CAMKMT: variants seen among roughly 807,000 people sequenced by gnomAD.
CAMKMT encodes the protein calmodulin-lysine N-methyltransferase, also known as CaM KMT.
CAMKMT carries 53 observed loss-of-function variants against 48.0 expected under a neutral mutation model. That is an observed-to-expected ratio of 1.10 (90% CI 0.89 to 1.39). CAMKMT has a LOEUF of 1.39. Ranked by LOEUF, CAMKMT falls within the 40% of genes most tolerant of loss-of-function variation. The probability of loss-of-function intolerance (pLI) is 0.00; values close to 1 mark genes in which losing one functional copy is unlikely to be tolerated. For missense variants in CAMKMT, 428 were observed against 402.7 expected (o/e 1.06, Z -0.54); for synonymous variants, 165 against 152.3 (o/e 1.08, Z -0.61).
intron 3 of CAMKMT, among the ~76,000 whole-genome samples, chr2:44,487,915 C>T (rs1291147297): frequency 6.6e-6 from 1 of 152,218 alleles, no homozygotes; most frequent in Non-Finnish European, 1.5e-5. Flanking sequence ...GGCCTACAGG[C>T]CAGATTTCAA....
chr2:44,585,357 C>T (rs1423636451), intron 3 of CAMKMT, among the ~76,000 whole-genome samples: 1 of 152,154 alleles, frequency 6.6e-6, no homozygotes, highest in Non-Finnish European at 1.5e-5. Flanking sequence ...AGCTGAACTT[C>T]AGAAAGGATT....
intron 3 of CAMKMT, among the ~76,000 whole-genome samples, chr2:44,515,516 A>T (rs1670791801): frequency 1.3e-5 from 2 of 152,198 alleles, no homozygotes; most frequent in South Asian, 4.1e-4. Context: ...CAGAGATCTT[A>T]CTTCTAGGGA....
chr2:44,619,231 T>A (rs1480018148), intron 3 of CAMKMT, among the ~76,000 whole-genome samples: 3 of 152,212 alleles, frequency 2.0e-5, no homozygotes, highest in Non-Finnish European at 2.9e-5. Context: ...TACTCAAGTC[T>A]GCATTTGAAC....
At chr2:44,587,760 G>A (rs1285816151) in intron 3 of CAMKMT, among the ~76,000 whole-genome samples, 1 of 136,220 alleles carries the variant, frequency 7.3e-6, no homozygotes, top group East Asian at 2.0e-4. Flanking sequence ...GATTGCAGAC[G>A]GAGTCTCGTT....
At chr2:44,445,645 GT>G (rs869258613) in intron 3 of CAMKMT, among the ~76,000 whole-genome samples, 9 of 101,416 alleles carry the variant, frequency 8.9e-5, no homozygotes, top group East Asian at 8.5e-4. Context: ...CAAAAGGGTA[GT>G]TTTTTTTTTT....
At chr2:44,768,887 A>G (rs1573262035) in intron 10 of CAMKMT, among the ~76,000 whole-genome samples, 1 of 152,094 alleles carries the variant, frequency 6.6e-6, no homozygotes, top group Non-Finnish European at 1.5e-5. Flanking sequence ...TCTTAGCCCT[A>G]CTGTGTTGGA....
intron 3 of CAMKMT, among the ~76,000 whole-genome samples, chr2:44,643,648 G>C (rs1300074482): frequency 6.6e-6 from 1 of 152,026 alleles, no homozygotes; most frequent in East Asian, 1.9e-4. Flanking sequence ...AGGAATTTGG[G>C]TGTTTGAAAA....
At chr2:44,555,831 A>G (rs1299110645) in intron 3 of CAMKMT, among the ~76,000 whole-genome samples, 2 of 152,174 alleles carry the variant, frequency 1.3e-5, no homozygotes, top group East Asian at 1.9e-4. Context: ...AACCATGTCA[A>G]ATCCTGCAGA....
chr2:44,735,376 C>A (rs1302904255), intron 7 of CAMKMT, among the ~76,000 whole-genome samples: 1 of 152,166 alleles, frequency 6.6e-6, no homozygotes, highest in Non-Finnish European at 1.5e-5. Flanking sequence ...AGATTTAAAT[C>A]TGTCATTTTA....
intron 3 of CAMKMT, among the ~76,000 whole-genome samples, chr2:44,695,488 G>A (rs1020795583): frequency 1.3e-5 from 2 of 152,142 alleles, no homozygotes; most frequent in African/African-American, 4.8e-5. Flanking sequence ...ATGCTAAAAT[G>A]TACTCTGGAA....
At chr2:44,378,460 A>G (rs944607258) in intron 2 of CAMKMT, among the ~76,000 whole-genome samples, 3 of 139,470 alleles carry the variant, frequency 2.2e-5, no homozygotes, top group Admixed American at 7.4e-5. Flanking sequence ...ACTCCAAAGC[A>G]TCTAGAATTA....
intron 3 of CAMKMT, among the ~76,000 whole-genome samples, chr2:44,426,215 C>T (rs144952534): frequency 3.1e-4 from 47 of 152,150 alleles, no homozygotes; most frequent in South Asian, 1.0e-3. Flanking sequence ...TTGGAAAAGG[C>T]GGGTAAATCA....
At chr2:44,686,401 A>C (rs892967678) in intron 3 of CAMKMT, among the ~76,000 whole-genome samples, 7 of 151,718 alleles carry the variant, frequency 4.6e-5, no homozygotes, top group South Asian at 4.2e-4. Context: ...TCAAAAAAAA[A>C]AAAAAACAAA....
chr2:44,429,277 ATGTGTGTGTGTGTGTGTGTGTG>A (rs34628835), intron 3 of CAMKMT, among the ~76,000 whole-genome samples: 2 of 147,024 alleles, frequency 1.4e-5, no homozygotes, highest in Admixed American at 6.7e-5. Flanking sequence ...GTGTGTGTGT[ATGTGTGTGTGTGTGTGTGTGTG>A]TGTGTGTGTA....
intron 2 of CAMKMT, among the ~76,000 whole-genome samples, chr2:44,378,471 A>AGTTTGTTTGTTT (rs71393268): frequency 6.6e-6 from 1 of 150,758 alleles, no homozygotes; most frequent in East Asian, 2.0e-4. Flanking sequence ...TCTAGAATTA[A>AGTTTGTTTGTTT]GTTTGTTTGT....
rs1251704361 is a variant in CAMKMT at position 44,754,070 on chromosome 2, G to C, written c.714G>C (p.Gln238His). The change falls in exon 9 of 11, where the codon CAG becomes CAC. Residue 238 changes from glutamine (Q) to histidine (H), a missense_variant. Transcript: ENST00000378494. ...VMCADCLFLD[Q>H]YRASLVDAIK... is the part of the protein sequence containing the mutation. ...TCAATGTCAGCCTGTTTCTGGACCA[G>C]TACAGAGCCAGCCTTGTTGATGCAA... is the stretch of plus-strand genomic sequence containing the variant. The C allele has an allele frequency of 1.2e-6, 2 of 1,613,820 alleles. No homozygotes were observed. The highest frequency in any genetic ancestry group is 2.7e-5 in the African/African-American group (2 of 74,926).
chr2:44,388,707 A>C (rs560209173), intron 2 of CAMKMT, among the ~76,000 whole-genome samples: 1 of 152,188 alleles, frequency 6.6e-6, no homozygotes, highest in Admixed American at 6.5e-5. Flanking sequence ...TGTTCCCTTG[A>C]TGTAGTACTC....
chr2:44,383,621 C>T (rs761358646), intron 2 of CAMKMT, among the ~76,000 whole-genome samples: 15 of 152,096 alleles, frequency 9.9e-5, no homozygotes, highest in Non-Finnish European at 1.8e-4. Context: ...TTGTTTATCC[C>T]TTGTACCCCT....
At chr2:44,467,234 C>A (rs1439785140) in intron 3 of CAMKMT, among the ~76,000 whole-genome samples, 3 of 151,742 alleles carry the variant, frequency 2.0e-5, no homozygotes, top group Non-Finnish European at 2.9e-5. Context: ...TCAGCAAGAC[C>A]CTGTCTCCAA....
Sources: allele counts gnomAD v4.1 joint callset (sites outside exome capture counted in the v4.1 genomes callset), GRCh38; gene constraint gnomAD v4.1.1; transcripts MANE v1.5; gene names NCBI Gene and HGNC (gene_info 2026-07-23, HGNC 2026-07-21).